Variants in TMEM135 observed in about 807,000 individuals in gnomAD.
TMEM135 encodes peroxisomal membrane protein 52.
A neutral mutation model predicts 60.3 loss-of-function variants in TMEM135; 30 were observed. That is an observed-to-expected ratio of 0.50 (90% CI 0.37 to 0.68). The LOEUF is 0.68. Among genes scored for constraint, TMEM135 ranks in the 30% least tolerant of loss-of-function variants. TMEM135 has a pLI of 0.00. For missense variants in TMEM135, 468 were observed against 548.8 expected, an observed-to-expected ratio of 0.85 and a Z score of 1.47; for synonymous variants, 190 against 186.7, an observed-to-expected ratio of 1.02 and a Z score of -0.14.
At chr11:87,209,118 TG>T (rs1184637715) in intron 5 of TMEM135, among the ~76,000 whole-genome samples, 1 of 152,144 alleles carries the variant, frequency 6.6e-6, no homozygotes, top group Admixed American at 6.5e-5. Context: ...ATAACCCCAT[TG>T]GCACTATAAA....
At chr11:87,124,960 T>C (rs1458856017) in intron 4 of TMEM135, among the ~76,000 whole-genome samples, 2 of 152,224 alleles carry the variant, frequency 1.3e-5, no homozygotes, top group Non-Finnish European at 2.9e-5. Context: ...TTCCTTGCTT[T>C]AGTTGCTACT....
At chr11:87,163,017 CTTT>C (rs34718412) in intron 5 of TMEM135, among the ~76,000 whole-genome samples, 6 of 143,362 alleles carry the variant, frequency 4.2e-5, no homozygotes, top group South Asian at 2.2e-4. Context: ...TAAATGTCTT[CTTT>C]TTTTTTTTTA....
intron 4 of TMEM135, among the ~76,000 whole-genome samples, chr11:87,130,415 T>G (rs1937892101): frequency 6.6e-6 from 1 of 152,184 alleles, no homozygotes; most frequent in South Asian, 2.1e-4. Context: ...AGGACATACC[T>G]CTTTGAAAGT....
intron 1 of TMEM135, among the ~76,000 whole-genome samples, chr11:87,045,229 A>G (rs1470011911): frequency 6.6e-6 from 1 of 150,586 alleles, no homozygotes; most frequent in East Asian, 2.0e-4. Context: ...ACGGGGTTTC[A>G]CTCTGTTAGC....
chr11:87,201,950 T>TTTATG (rs71040298), intron 5 of TMEM135, among the ~76,000 whole-genome samples: 20,153 of 137,828 alleles, frequency 0.15, 1,784 homozygotes, highest in Non-Finnish European at 0.18. Flanking sequence ...GTATTTATTT[T>TTTATG]TTATGTTATG....
chr11:87,055,040 G>A (rs116879758), intron 1 of TMEM135, among the ~76,000 whole-genome samples: 3,096 of 152,202 alleles, frequency 0.02, 35 homozygotes, highest in Non-Finnish European at 0.028. Context: ...AACAATGAAG[G>A]GGGAAGGTAA....
chr11:87,135,448 A>G (rs1347131202), intron 4 of TMEM135, among the ~76,000 whole-genome samples: 1 of 150,536 alleles, frequency 6.6e-6, no homozygotes, highest in Admixed American at 6.6e-5. Flanking sequence ...TTATTTTTGC[A>G]TATAGTTAAA....
chr11:87,089,735 T>C (rs1857167549), intron 3 of TMEM135, among the ~76,000 whole-genome samples: 1 of 152,194 alleles, frequency 6.6e-6, no homozygotes, highest in Admixed American at 6.5e-5. Context: ...ATGTTAATGT[T>C]ACCCTAATTT....
intron 1 of TMEM135, among the ~76,000 whole-genome samples, chr11:87,062,742 G>A (rs1949962679): frequency 1.3e-5 from 2 of 151,916 alleles, no homozygotes; most frequent in African/African-American, 4.8e-5. Flanking sequence ...GGATATAAGC[G>A]TGAGCCACTG....
intron 7 of TMEM135, among the ~76,000 whole-genome samples, chr11:87,298,855 AG>A (rs1423653275): frequency 6.6e-6 from 1 of 151,290 alleles, no homozygotes; most frequent in Non-Finnish European, 1.5e-5. Context: ...TGGGAGGCCA[AG>A]GCAGGTAGAT....
chr11:87,241,964 C>T (rs1431949103), intron 6 of TMEM135, among the ~76,000 whole-genome samples: 6 of 151,896 alleles, frequency 4.0e-5, no homozygotes, highest in Non-Finnish European at 5.9e-5. Context: ...ATTAACTTGT[C>T]GTATAGCATT....
intron 6 of TMEM135, among the ~76,000 whole-genome samples, chr11:87,270,505 T>C (rs1401262094): frequency 1.3e-5 from 2 of 152,232 alleles, no homozygotes; most frequent in African/African-American, 2.4e-5. Context: ...ATTAATAGCA[T>C]TCAGTAGGTT....
intron 5 of TMEM135, among the ~76,000 whole-genome samples, chr11:87,204,630 A>G (rs538501411): frequency 3.4e-4 from 52 of 152,340 alleles, no homozygotes; most frequent in Admixed American, 2.9e-3. Flanking sequence ...AATGTTATTA[A>G]GAAACTCATA....
At chr11:87,296,437 A>G (rs1463302142) in intron 7 of TMEM135, among the ~76,000 whole-genome samples, 2 of 152,186 alleles carry the variant, frequency 1.3e-5, no homozygotes, top group Non-Finnish European at 2.9e-5. Context: ...ATTTAACATC[A>G]CACAAGTTAA....
At chr11:87,289,605 C>T (rs545856075) in intron 6 of TMEM135, among the ~76,000 whole-genome samples, 24 of 151,982 alleles carry the variant, frequency 1.6e-4, no homozygotes, top group Middle Eastern at 3.4e-3. Context: ...TACAGATGCC[C>T]GCCACCATGC....
intron 4 of TMEM135, among the ~76,000 whole-genome samples, chr11:87,139,835 A>C (rs1405718504): frequency 1.3e-5 from 2 of 152,082 alleles, no homozygotes; most frequent in Non-Finnish European, 2.9e-5. Flanking sequence ...GCTATTCATA[A>C]ATATTTGTGT....
At chr11:87,128,686 G>A (rs1937808408) in intron 4 of TMEM135, among the ~76,000 whole-genome samples, 1 of 152,114 alleles carries the variant, frequency 6.6e-6, no homozygotes, top group African/African-American at 2.4e-5. Flanking sequence ...AAACACTTTG[G>A]AAAACGGTTT....
rs759483896 is a variant in TMEM135, at chr11:87,321,154, T to C, written c.1245-47T>C. The C allele has an allele frequency of 2.0e-6, 3 of 1,507,806 alleles. No individual in the cohort carries two copies. In the South Asian group the frequency reaches 3.7e-5, roughly 19 times the overall value. 93.4% of individuals were successfully genotyped at this position (1,507,806 alleles called of 1,614,324 possible). On this transcript the variant is annotated intron_variant, in intron 14 of 14. Coordinates refer to ENST00000305494, the MANE Select transcript of TMEM135 (RefSeq NM_022918.4). ...AGTCAACTAAAATGAATTATTTTAT[T>C]TTATAAACTATATTAATACTTGTTT...
chr11:87,088,074 TTTGTAC>T (rs1857134383), intron 3 of TMEM135, among the ~76,000 whole-genome samples: 1 of 152,058 alleles, frequency 6.6e-6, no homozygotes, highest in Non-Finnish European at 1.5e-5. Flanking sequence ...CAGCCATGGG[TTTGTAC>T]CCTCAAATAC....
Sources: gnomAD v4.1 joint callset for allele counts (sites outside exome capture counted in the v4.1 genomes callset) on GRCh38, gnomAD v4.1.1 for gene constraint, MANE v1.5 for transcripts, NCBI Gene and HGNC (gene_info 2026-07-23, HGNC 2026-07-21) for gene names.